Variants in ZNF827 observed in about 807,000 individuals in gnomAD.
The protein encoded by ZNF827 is zinc finger protein 827.
Under a neutral mutation model 102.4 loss-of-function variants are expected in ZNF827, and 13 were observed. That is an observed-to-expected ratio of 0.13 (90% CI 0.08 to 0.20). ZNF827 has a LOEUF of 0.20. ZNF827 is among the 10% of genes least tolerant of loss of function. The pLI is 1.00. For synonymous variants in ZNF827, 523 were observed against 536.2 expected (o/e 0.98, Z 0.34); for missense variants, 1,103 against 1,344.4 (o/e 0.82, Z 2.81).
intron 1 of ZNF827, among the ~76,000 whole-genome samples, chr4:145,912,255 G>A (rs1752347599): frequency 6.6e-6 from 1 of 152,186 alleles, no homozygotes; most frequent in Non-Finnish European, 1.5e-5. Flanking sequence ...TGTTTCAGGA[G>A]CTACTGGAAC....
At chr4:145,885,217 T>C (rs1750005709) in intron 4 of ZNF827, among the ~76,000 whole-genome samples, 1 of 152,092 alleles carries the variant, frequency 6.6e-6, no homozygotes, top group African/African-American at 2.4e-5. Context: ...TTCCTAATAG[T>C]AGTCTTTGTA....
intron 9 of ZNF827, among the ~76,000 whole-genome samples, chr4:145,778,414 G>A (rs1264882167): frequency 2.6e-5 from 4 of 152,300 alleles, no homozygotes; most frequent in African/African-American, 4.8e-5. Context: ...GATTATAGGC[G>A]TGAGCCATCG....
At chr4:145,929,324 C>G (rs557509060) in intron 1 of ZNF827, among the ~76,000 whole-genome samples, 27 of 152,280 alleles carry the variant, frequency 1.8e-4, no homozygotes, top group Middle Eastern at 6.8e-3. Context: ...GTTACTCTAA[C>G]CAGTGGGCTG....
chr4:145,837,766 G>C (rs1745001971), intron 7 of ZNF827, among the ~76,000 whole-genome samples: 1 of 152,104 alleles, frequency 6.6e-6, no homozygotes, highest in African/African-American at 2.4e-5. Flanking sequence ...TTCTCCTTCT[G>C]TTATTCCATT....
intron 8 of ZNF827, among the ~76,000 whole-genome samples, chr4:145,779,737 TTC>T (rs1320458884): frequency 6.6e-6 from 1 of 152,368 alleles, no homozygotes; most frequent in East Asian, 1.9e-4. Context: ...CTTCAGTATT[TTC>T]TCTCTTTCTT....
chr4:145,768,275 C>T (rs776882652), intron 11 of ZNF827, among the ~76,000 whole-genome samples: 4 of 152,156 alleles, frequency 2.6e-5, no homozygotes, highest in Admixed American at 6.5e-5. Flanking sequence ...AGCAATTTTC[C>T]TGCCTCAGCC....
intron 7 of ZNF827, among the ~76,000 whole-genome samples, chr4:145,844,397 G>C (rs568302063): frequency 6.6e-6 from 1 of 151,608 alleles, no homozygotes; most frequent in African/African-American, 2.4e-5. Flanking sequence ...AACCCAGTGT[G>C]AGCGAATCAC....
In ZNF827 at chr4:145,760,833, G is replaced by A; in HGVS notation, c.*783C>T. On this transcript the variant is annotated 3_prime_UTR_variant, in exon 15 of 15. Transcript: ENST00000508784. The stretch of plus-strand genomic sequence containing the variant: ...CGAGATAGGCCAGGAAGGAGTGTTT[G>A]GGTGAGGGGATGCTGGGAGGCGCAG... 8.3e-7 allele frequency: 1 copy of A among 1,203,106 alleles called. No individual in the cohort carries two copies. The highest frequency in any genetic ancestry group is 1.1e-6 in the Non-Finnish European group (1 of 947,572). 74.5% of individuals were successfully genotyped at this position (1,203,106 alleles called of 1,614,324 possible).
intron 1 of ZNF827, among the ~76,000 whole-genome samples, chr4:145,933,126 T>C (rs1309809579): frequency 6.6e-6 from 1 of 152,248 alleles, no homozygotes; most frequent in Admixed American, 6.5e-5. Context: ...TTAGAAACTA[T>C]TTTGAAGCAT....
At chr4:145,801,885 A>G (rs1202108145) in intron 8 of ZNF827, among the ~76,000 whole-genome samples, 2 of 141,102 alleles carry the variant, frequency 1.4e-5, no homozygotes, top group African/African-American at 5.1e-5. Context: ...CAAAAGCTCC[A>G]TTATTTCAAC....
Position 145,886,117 on chromosome 4 carries a change from C to G in ZNF827, c.1308G>C (p.Gln436His). ...GGCGTGAGGAAGTAAAAGGGCACAGCTGGCACTGAAAGGTCTCTCCCCGAT... is the reference window on the plus strand; with the variant it reads ...GGCGTGAGGAAGTAAAAGGGCACAGGTGGCACTGAAAGGTCTCTCCCCGAT... ...HQDRGETFQC[Q>H]LCPFTSSRHF... Residue 436 changes from glutamine to histidine, a missense_variant, in exon 4 of 15, where the codon CAG becomes CAC. Gln to His is a conservative substitution (Grantham distance 24). Around this residue, in one of 5 missense-constraint regions of ZNF827, gnomAD observed 157 missense variants for 211.7 expected, o/e 0.74. Coordinates refer to ENST00000508784, the MANE Select transcript of ZNF827 (RefSeq NM_001306215.2). 2 of 1,611,586 alleles carry G rather than the reference C, an allele frequency of 1.2e-6. No homozygotes were observed. The highest frequency in any genetic ancestry group is 1.7e-6 in the Non-Finnish European group (2 of 1,178,714).
At chr4:145,769,687 G>A (rs1735946902) in intron 11 of ZNF827, among the ~76,000 whole-genome samples, 1 of 152,154 alleles carries the variant, frequency 6.6e-6, no homozygotes, top group South Asian at 2.1e-4. Flanking sequence ...TGCCAGCCAA[G>A]TCCAAGGCTA....
chr4:145,924,891 T>C lies in ZNF827; in HGVS notation c.43+13474A>G, dbSNP rs183053188. Among the ~76,000 whole-genome samples, 204 of 152,348 alleles carry C rather than the reference T, an allele frequency of 1.3e-3. 1 individual carries two copies. The highest frequency in any genetic ancestry group is 8.1e-3 in the South Asian group (39 of 4,824). On this transcript the variant is annotated intron_variant, in intron 1 of 14. Transcript: ENST00000508784. ...TCTCTCACATAAATGAACTTTTGGT[T>C]TATTTTGCCCTGTTTTGGTTAATGT...
At chr4:145,827,896 T>C (rs1400822930) in intron 7 of ZNF827, among the ~76,000 whole-genome samples, 1 of 152,230 alleles carries the variant, frequency 6.6e-6, no homozygotes, top group Non-Finnish European at 1.5e-5. Flanking sequence ...TAAGTTCTTT[T>C]TCTTCTCCTG....
rs1264033443 is a variant in ZNF827, at chr4:145,923,196, A to C, written c.43+15169T>G. Reference sequence around the variant, plus strand: ...CATTGCAACTAATCTTTAAGAAGCTATCTCTTTTTGAGTCTTGGTGTAATA... The same window carrying C: ...CATTGCAACTAATCTTTAAGAAGCTCTCTCTTTTTGAGTCTTGGTGTAATA... On this transcript the variant is annotated intron_variant, in intron 1 of 14. Transcript: ENST00000508784. Among the ~76,000 whole-genome samples the C allele has an allele frequency of 2.6e-5, 4 of 152,210 alleles. No individual in the cohort carries two copies. The East Asian group carries it at 7.7e-4, about 29-fold the overall frequency.
In ZNF827 at chr4:145,764,998, C is replaced by T. The variant is rs148875276; in HGVS notation, c.3220G>A (p.Gly1074Ser). 4.2e-5 allele frequency: 68 copies of T among 1,612,406 alleles called. No individual in the cohort carries two copies. The highest frequency in any genetic ancestry group is 6.7e-5 in the Admixed American group (4 of 59,744). Residue 1074 changes from glycine (G) to serine (S), a missense_variant, in exon 13 of 15, where the codon GGT becomes AGT. Gly to Ser is a moderately conservative substitution (Grantham distance 56, BLOSUM62 0). This residue lies in a region of ZNF827 where 242 missense variants were observed against 361.9 expected (regional missense o/e 0.67). Coordinates refer to ENST00000508784, the MANE Select transcript of ZNF827 (RefSeq NM_001306215.2). ...EHKKCHTVPT[G>S]GLNSGQW ...ACTTGCTTTCCTTACTTGAGCCCAC[C>T]GGTGGGGACAGTGTGGCATTTCTTA...
intron 3 of ZNF827, 80 bp downstream of exon 3, chr4:145,892,163 G>T (rs2126849128): frequency 1.4e-6 from 2 of 1,410,220 alleles, no homozygotes; most frequent in East Asian, 4.9e-5. Context: ...CCTCGGCCAA[G>T]AAGCCTCCTG....
At chr4:145,889,928 G>A (rs545054495) in intron 3 of ZNF827, among the ~76,000 whole-genome samples, 24 of 150,816 alleles carry the variant, frequency 1.6e-4, no homozygotes, top group African/African-American at 5.4e-4. Flanking sequence ...AGTGAGCCAA[G>A]ATGGCGCCAC....
At position 145,845,991 on chromosome 4, in the gene ZNF827, A is replaced by T. The variant is rs1314085438; in HGVS notation, c.2244T>A (p.Asn748Lys). The T allele has an allele frequency of 3.7e-6, 6 of 1,614,142 alleles. No individual in the cohort carries two copies. Among genetic ancestry groups the T allele is most frequent in the African/African-American group, 1.3e-5 (1 of 75,032 alleles). Residue 748 changes from asparagine to lysine, a missense_variant, in exon 7 of 15, where the codon AAT becomes AAA. Around this residue, in one of 5 missense-constraint regions of ZNF827, gnomAD observed 243 missense variants for 251.6 expected, o/e 0.97. Coordinates refer to ENST00000508784, the MANE Select transcript of ZNF827 (RefSeq NM_001306215.2). ...QLSEKVSKEH[N>K]HTKENTIRTT... ...TCCGGATGGTGTTTTCTTTTGTATG[A>T]TTGTGCTCTTTGCTCACTTTTTCTG...
Sources: allele counts gnomAD v4.1 joint callset (sites outside exome capture counted in the v4.1 genomes callset), GRCh38; gene constraint gnomAD v4.1.1; regional missense constraint gnomAD v4.1.1; transcripts MANE v1.5; gene names NCBI Gene and HGNC (gene_info 2026-07-23, HGNC 2026-07-21).